The following WDR70 variants were observed in gnomAD, a reference collection of about 807,000 sequenced individuals.
WDR70 encodes WD repeat-containing protein 70.
A neutral mutation model predicts 88.6 loss-of-function variants in WDR70; 53 were observed. That is an observed-to-expected ratio of 0.60 (90% CI 0.48 to 0.75). WDR70 has a LOEUF of 0.75. Ranked by LOEUF, WDR70 falls within the 30% of genes least tolerant of loss-of-function variation. The pLI, the probability that WDR70 is intolerant of heterozygous loss-of-function variation, is 0.00. For synonymous variants in WDR70, 280 were observed against 270.0 expected (o/e 1.04, Z -0.36); for missense variants, 610 against 823.2 (o/e 0.74, Z 3.17).
In WDR70 at chr5:37,658,539, A is replaced by AC. The variant is rs201183548; in HGVS notation, c.1093-39110dup. 8.3e-3 allele frequency among the ~76,000 whole-genome samples: 1,253 copies of AC among 150,608 alleles called. 22 individuals carry two copies. The highest frequency in any genetic ancestry group is 0.03 in the African/African-American group (1,212 of 41,020). ...GGCAACCTTCTAGTTATCTTTCAAA[A>AC]CCCCCCTTAAATATCATCACCTCTG... On this transcript the variant is annotated intron_variant, in intron 10 of 17. Transcript: ENST00000265107.
At chr5:37,539,436 C>T (rs949108692) in intron 9 of WDR70, among the ~76,000 whole-genome samples, 2 of 152,150 alleles carry the variant, frequency 1.3e-5, no homozygotes, top group Non-Finnish European at 2.9e-5. Flanking sequence ...CATGTGAGGA[C>T]ATAGTGAGAA....
intron 9 of WDR70, among the ~76,000 whole-genome samples, chr5:37,589,054 C>A (rs1281721137): frequency 1.3e-5 from 2 of 152,022 alleles, no homozygotes; most frequent in South Asian, 4.2e-4. Flanking sequence ...TGAGCCACTG[C>A]GCCCGGCCTA....
intron 5 of WDR70, among the ~76,000 whole-genome samples, chr5:37,407,116 C>T (rs1449387485): frequency 6.6e-6 from 1 of 152,202 alleles, no homozygotes; most frequent in East Asian, 1.9e-4. Context: ...CAGCCATGAT[C>T]TTGCCACTGT....
At chr5:37,649,759 A>T (rs1745344623) in intron 10 of WDR70, among the ~76,000 whole-genome samples, 1 of 15,560 alleles carries the variant, frequency 6.4e-5, no homozygotes, top group African/African-American at 2.9e-4. Context: ...TTTTTTTGAG[A>T]CGGAGTCTCG....
chr5:37,591,895 T>A (rs1278544860), intron 9 of WDR70, among the ~76,000 whole-genome samples: 5 of 152,168 alleles, frequency 3.3e-5, no homozygotes, highest in African/African-American at 1.2e-4. Flanking sequence ...TCAGACAATA[T>A]AATGCACAGA....
At chr5:37,407,204 G>A (rs1438664340) in intron 5 of WDR70, among the ~76,000 whole-genome samples, 1 of 151,958 alleles carries the variant, frequency 6.6e-6, no homozygotes, top group African/African-American at 2.4e-5. Context: ...ATAAAGAATA[G>A]TATAAAGCTT....
In WDR70 at chr5:37,563,104, G is replaced by T. The variant is rs866091852; in HGVS notation, c.918-41960G>T. ...GACCCCCCCCGCCTCCCTCCCGGAC[G>T]GGGCGGCTGGCTGGGCGGGGGGCTG... On this transcript the variant is annotated intron_variant, in intron 9 of 17. Transcript: ENST00000265107. 3.0e-5 allele frequency among the ~76,000 whole-genome samples: 2 copies of T among 66,742 alleles called. 1 individual carries two copies. Among genetic ancestry groups the T allele is most frequent in the African/African-American group, 9.1e-5 (2 of 22,026 alleles). The allele number at this position is 66,742 out of a possible 152,430, so 43.8% of individuals were successfully genotyped here.
chr5:37,470,130 C>T (rs1051078590), intron 7 of WDR70, among the ~76,000 whole-genome samples: 1 of 8,034 alleles, frequency 1.2e-4, no homozygotes, highest in African/African-American at 1.4e-4. Flanking sequence ...AAAACAAAAA[C>T]AAAAACAAAA....
intron 7 of WDR70, among the ~76,000 whole-genome samples, chr5:37,471,295 T>C (rs947818973): frequency 6.6e-6 from 1 of 152,132 alleles, no homozygotes; most frequent in Non-Finnish European, 1.5e-5. Context: ...GTCAACCTTT[T>C]AAATTTTAGT....
At chr5:37,610,222 T>G (rs567376402) in intron 10 of WDR70, among the ~76,000 whole-genome samples, 1 of 146,952 alleles carries the variant, frequency 6.8e-6, no homozygotes, top group Non-Finnish European at 1.5e-5. Context: ...GCCGAGATTG[T>G]GCCACTGCGC....
intron 17 of WDR70, among the ~76,000 whole-genome samples, chr5:37,740,367 G>T (rs1397309705): frequency 6.6e-6 from 1 of 152,178 alleles, no homozygotes; most frequent in Non-Finnish European, 1.5e-5. Flanking sequence ...TTGCCAAAAA[G>T]AAAGAATAGC....
At chr5:37,643,062 C>G (rs1745147064) in intron 10 of WDR70, among the ~76,000 whole-genome samples, 1 of 152,054 alleles carries the variant, frequency 6.6e-6, no homozygotes, top group Non-Finnish European at 1.5e-5. Flanking sequence ...AACCTTTGCC[C>G]AGACCAATGT....
intron 8 of WDR70, among the ~76,000 whole-genome samples, chr5:37,485,854 G>C (rs1739848209): frequency 7.9e-6 from 1 of 126,130 alleles, no homozygotes; most frequent in East Asian, 2.6e-4. Flanking sequence ...ACCATGCCTG[G>C]CTAATTTTTT....
intron 12 of WDR70, 79 bp from the exon 13 acceptor site, chr5:37,702,870 A>G (rs1747204691): frequency 5.6e-6 from 8 of 1,440,106 alleles, no homozygotes; most frequent in Non-Finnish European, 7.6e-6. Context: ...AGATGTTTAT[A>G]TTTTATTTAA....
At chr5:37,427,144 C>T (rs1750151233) in intron 5 of WDR70, among the ~76,000 whole-genome samples, 2 of 152,148 alleles carry the variant, frequency 1.3e-5, no homozygotes, top group Admixed American at 6.5e-5. Context: ...AATCCCAACA[C>T]TTTGGGAGGC....
At chr5:37,622,611 AATC>A (rs1401504468) in intron 10 of WDR70, among the ~76,000 whole-genome samples, 1 of 152,172 alleles carries the variant, frequency 6.6e-6, no homozygotes, top group Non-Finnish European at 1.5e-5. Flanking sequence ...TGAAGCTGGA[AATC>A]ATCATTCTCA....
At chr5:37,438,921 T>G (rs1266596344) in intron 6 of WDR70, among the ~76,000 whole-genome samples, 3 of 139,674 alleles carry the variant, frequency 2.1e-5, no homozygotes, top group Non-Finnish European at 4.8e-5. Flanking sequence ...TTTTTTTTTG[T>G]TTTGTTTTGT....
At chr5:37,570,001 A>C (rs1002711717) in intron 9 of WDR70, among the ~76,000 whole-genome samples, 9 of 152,196 alleles carry the variant, frequency 5.9e-5, no homozygotes, top group African/African-American at 2.2e-4. Context: ...GTATGATTAG[A>C]AACCAGGTTA....
In WDR70 at chr5:37,724,924, C is replaced by T. The variant is rs1356750799; in HGVS notation, c.1598-10C>T. ...TTATAATGAAATTTTTCAAATGTGA[C>T]TTCTTGTAGCTCATGCCTTGCCTAT... On this transcript the variant is annotated splice_polypyrimidine_tract_variant and intron_variant, in intron 15 of 17. Transcript: ENST00000265107. 1 of 1,611,860 alleles carries T rather than the reference C, an allele frequency of 6.2e-7. No homozygotes were observed. Among genetic ancestry groups the T allele is most frequent in the Non-Finnish European group, 8.5e-7 (1 of 1,178,730 alleles).
Sources: allele counts gnomAD v4.1 joint callset (sites outside exome capture counted in the v4.1 genomes callset), GRCh38; gene constraint gnomAD v4.1.1; transcripts MANE v1.5; gene names NCBI Gene and HGNC (gene_info 2026-07-23, HGNC 2026-07-21).